TRPM7: variants seen among roughly 807,000 people sequenced by gnomAD.
The protein encoded by TRPM7 is transient receptor potential cation channel subfamily M member 7, also known as LTRPC ion channel family member 7.
A neutral mutation model predicts 229.7 loss-of-function variants in TRPM7; 134 were observed. The ratio of observed to expected loss-of-function variants is 0.58; its 90% CI spans 0.51 to 0.67. The LOEUF (loss-of-function observed/expected upper bound fraction) is 0.67. Among genes scored for constraint, TRPM7 ranks in the 30% least tolerant of loss-of-function variants. TRPM7 has a pLI of 0.00. For synonymous variants in TRPM7, 699 were observed against 715.2 expected, an observed-to-expected ratio of 0.98 and a Z score of 0.36; for missense variants, 1,901 against 2,210.0, an observed-to-expected ratio of 0.86 and a Z score of 2.80.
chr15:50,590,535 G>C (rs955764695), intron 26 of TRPM7, among the ~76,000 whole-genome samples: 15 of 152,228 alleles, frequency 9.9e-5, no homozygotes, highest in African/African-American at 3.6e-4. Context: ...AGGCTATATG[G>C]AATTCACTCT....
chr15:50,593,220 CG>C (rs1383194475), intron 25 of TRPM7, among the ~76,000 whole-genome samples: 2 of 151,770 alleles, frequency 1.3e-5, no homozygotes, highest in African/African-American at 4.8e-5. Flanking sequence ...ACCTGGGAGG[CG>C]GAAGTTGCAG....
At chr15:50,564,831 T>C (rs2141438079) in intron 38 of TRPM7, among the ~76,000 whole-genome samples, 1 of 152,316 alleles carries the variant, frequency 6.6e-6, no homozygotes, top group Middle Eastern at 3.4e-3. Flanking sequence ...ACTATGTCAG[T>C]ATGGCTTTAG....
intron 3 of TRPM7, among the ~76,000 whole-genome samples, chr15:50,657,130 C>A (rs767443692): frequency 2.0e-5 from 3 of 152,082 alleles, no homozygotes; most frequent in Non-Finnish European, 4.4e-5. Flanking sequence ...TCAAGACCAG[C>A]CTGGCCAACA....
rs78432285 is a variant in TRPM7, at chr15:50,591,893, C to T, written c.4324+18G>A. ...AGTAAATAATATTGATATACAAATACGAATTTGCCAAACTTACCTACAAAT... is the reference window on the plus strand; with the variant it reads ...AGTAAATAATATTGATATACAAATATGAATTTGCCAAACTTACCTACAAAT... On this transcript the variant is annotated intron_variant, in intron 26 of 38. Transcript: ENST00000646667. The T allele has an allele frequency of 0.036, 53,691 of 1,502,136 alleles. 1,183 individuals are homozygous for T. The highest frequency in any genetic ancestry group is 0.083 in the Middle Eastern group (464 of 5,618). The allele number at this position is 1,502,136 out of a possible 1,614,324, so 93.1% of individuals were successfully genotyped here. A position where few individuals can be genotyped will look rare whatever the true frequency, so the allele number is the denominator to read the frequency against.
intron 10 of TRPM7, among the ~76,000 whole-genome samples, chr15:50,629,972 G>A (rs1810302902): frequency 7.4e-6 from 1 of 134,632 alleles, no homozygotes; most frequent in South Asian, 2.4e-4. Context: ...AGCAATTCTT[G>A]TGCCTCAGCC....
At chr15:50,671,391 T>C (rs2061984278) in intron 1 of TRPM7, among the ~76,000 whole-genome samples, 1 of 152,170 alleles carries the variant, frequency 6.6e-6, no homozygotes, top group African/African-American at 2.4e-5. Context: ...AGAATTTCCT[T>C]CTTTAAGATT....
intron 1 of TRPM7, among the ~76,000 whole-genome samples, chr15:50,679,667 CT>C (rs1440696275): frequency 6.7e-6 from 1 of 150,282 alleles, no homozygotes; most frequent in African/African-American, 2.5e-5. Context: ...TCACAAGGAG[CT>C]GGGATTACAG....
At chr15:50,622,152 ACTG>A (rs1464590332) in intron 12 of TRPM7, among the ~76,000 whole-genome samples, 2 of 152,252 alleles carry the variant, frequency 1.3e-5, no homozygotes, top group Non-Finnish European at 2.9e-5. Context: ...AGTAAATATA[ACTG>A]CTACTTTAAT....
chr15:50,589,676 G>A lies in TRPM7; in HGVS notation c.4325-20C>T, dbSNP rs373247248. On this transcript the variant is annotated intron_variant, in intron 26 of 38. Transcript: ENST00000646667. ...TGTGTCCTTTAATAGAAAAAAAGAT[G>A]TTGCAATGAGAAATTTTTATTTTTC... 2.0e-4 allele frequency: 307 copies of A among 1,527,034 alleles called. No homozygotes were observed. The highest frequency in any genetic ancestry group is 2.6e-4 in the Non-Finnish European group (287 of 1,122,258). The allele number at this position is 1,527,034 out of a possible 1,614,324, so 94.6% of individuals were successfully genotyped here.
At chr15:50,606,371 T>C (rs1274751647) in intron 20 of TRPM7, among the ~76,000 whole-genome samples, 1 of 147,540 alleles carries the variant, frequency 6.8e-6, no homozygotes, top group African/African-American at 2.7e-5. Context: ...AGAGGGAGAC[T>C]ACGTCTCAAA....
intron 11 of TRPM7, among the ~76,000 whole-genome samples, chr15:50,624,999 A>G (rs372540221): frequency 3.3e-5 from 5 of 152,330 alleles, no homozygotes; most frequent in South Asian, 2.1e-4. Flanking sequence ...TGTGCTTAAT[A>G]TAACACATCT....
chr15:50,599,233 TG>T lies in TRPM7; in HGVS notation c.3051del (p.Arg1018GlufsTer19). The part of the protein sequence containing the change: ...MALVLLSFGV[P>X]RKAILYPHEA... Reference sequence around the variant, plus strand: ...TCATGAGGATAAAGTATTGCCTTTCTGGGAACACCAAAACTAAGTAATACAA... The same window carrying T: ...TCATGAGGATAAAGTATTGCCTTTCTGGAACACCAAAACTAAGTAATACAA... On this transcript the variant is annotated frameshift_variant, in exon 22 of 39. Transcript: ENST00000646667. LOFTEE classifies it high-confidence loss of function. 2.5e-6 allele frequency: 4 copies of T among 1,613,306 alleles called. No homozygotes were observed. Among genetic ancestry groups the T allele is most frequent in the Non-Finnish European group, 3.4e-6 (4 of 1,179,424 alleles).
chr15:50,617,712 G>A (rs923106891), intron 13 of TRPM7, among the ~76,000 whole-genome samples: 7 of 151,916 alleles, frequency 4.6e-5, no homozygotes, highest in Admixed American at 6.6e-5. Flanking sequence ...ACAGTGGCTC[G>A]ATGACAGCTC....
chr15:50,651,134 C>T (rs986743826), intron 3 of TRPM7, among the ~76,000 whole-genome samples: 1 of 152,130 alleles, frequency 6.6e-6, no homozygotes, highest in Admixed American at 6.6e-5. Flanking sequence ...TTGCAGTCAA[C>T]TGATATGGTG....
intron 1 of TRPM7, among the ~76,000 whole-genome samples, chr15:50,673,849 T>C (rs775481659): frequency 6.6e-5 from 10 of 152,184 alleles, no homozygotes; most frequent in Non-Finnish European, 1.5e-4. Flanking sequence ...TTGTTTCCCA[T>C]AGTGGTTGTA....
In TRPM7 at chr15:50,561,666, G is replaced by A; in HGVS notation, c.*12C>T. ...AGGTGCAGGCAAAACCAATGATTCAGTAATATTAATATTATAACATCAGAC... is the reference window on the plus strand; with the variant it reads ...AGGTGCAGGCAAAACCAATGATTCAATAATATTAATATTATAACATCAGAC... On this transcript the variant is annotated 3_prime_UTR_variant, in exon 39 of 39. Coordinates refer to ENST00000646667, the MANE Select transcript of TRPM7 (RefSeq NM_017672.6). 6.2e-7 allele frequency: 1 copy of A among 1,601,654 alleles called. No homozygotes were observed. The highest frequency in any genetic ancestry group is 8.5e-7 in the Non-Finnish European group (1 of 1,177,102).
At chr15:50,658,559 G>C (rs1308465277) in intron 2 of TRPM7, among the ~76,000 whole-genome samples, 1 of 147,098 alleles carries the variant, frequency 6.8e-6, no homozygotes, top group African/African-American at 2.5e-5. Flanking sequence ...GCGAAAGAGC[G>C]AGAAACTGTC....
At chr15:50,684,518 G>A (rs1189115972) in intron 1 of TRPM7, among the ~76,000 whole-genome samples, 1 of 151,926 alleles carries the variant, frequency 6.6e-6, no homozygotes, top group African/African-American at 2.4e-5. Context: ...GCTCGCACCT[G>A]GAGTCCCAGC....
chr15:50,588,357 T>C, intron 27 of TRPM7: 1 of 250,688 alleles, frequency 4.0e-6, no homozygotes, highest in Non-Finnish European at 6.3e-6. Flanking sequence ...TAATAACCAA[T>C]TAAATACCAA....
Sources: allele counts gnomAD v4.1 joint callset (sites outside exome capture counted in the v4.1 genomes callset), GRCh38; gene constraint gnomAD v4.1.1; transcripts MANE v1.5; gene names NCBI Gene and HGNC (gene_info 2026-07-23, HGNC 2026-07-21).